ELOVL4: variants seen among roughly 807,000 people sequenced by gnomAD.
ELOVL4 encodes ELOVL fatty acid elongase 4, also known as very long chain fatty acid elongase 4.
ELOVL4 carries 18 observed loss-of-function variants against 42.1 expected under a neutral mutation model. That is an observed-to-expected ratio of 0.43 (90% confidence interval 0.30 to 0.63). The LOEUF (loss-of-function observed/expected upper bound fraction) is 0.63, where lower values mean the gene tolerates loss of function less well. Among genes scored for constraint, ELOVL4 ranks in the 30% least tolerant of loss-of-function variants. The pLI, the probability that ELOVL4 is intolerant of heterozygous loss-of-function variation, is 0.15. For missense variants in ELOVL4, 299 were observed against 376.2 expected, an observed-to-expected ratio of 0.79 and a Z score of 1.70; for synonymous variants, 117 against 127.0, an observed-to-expected ratio of 0.92 and a Z score of 0.53.
At chr6:79,921,879 A>G (rs1774262819) in intron 3 of ELOVL4, 83 bp from the exon 4 acceptor site, 2 of 1,354,328 alleles carry the variant, frequency 1.5e-6, no homozygotes, top group African/African-American at 2.9e-5. Context: ...GTCCAAAATA[A>G]ACATTTGTAT....
chr6:79,941,752 A>G (rs1431049705), intron 1 of ELOVL4, among the ~76,000 whole-genome samples: 1 of 152,190 alleles, frequency 6.6e-6, no homozygotes. Flanking sequence ...AGCCTTATTC[A>G]TGTTTAGCAA....
Position 79,947,171 on chromosome 6 carries a change from C to T in ELOVL4, c.100+9G>A. The T allele has an allele frequency of 6.2e-7, 1 of 1,609,276 alleles. No individual in the cohort carries two copies. Reference sequence around the variant, plus strand: ...GACCGAGCGAGGATGGGGAAGTCAGCGGCTTTACCTGCGATGGACCAGGTC... The same window carrying T: ...GACCGAGCGAGGATGGGGAAGTCAGTGGCTTTACCTGCGATGGACCAGGTC... On this transcript the variant is annotated intron_variant, in intron 1 of 5. Coordinates refer to ENST00000369816, the MANE Select transcript of ELOVL4 (RefSeq NM_022726.4).
At chr6:79,919,318 C>T in intron 5 of ELOVL4, 102 bp downstream of exon 5, 2 of 1,362,784 alleles carry the variant, frequency 1.5e-6, no homozygotes, top group East Asian at 2.3e-5. Flanking sequence ...AAGTTAATTT[C>T]ATAATAGAAA....
chr6:79,945,423 T>C (rs188513344), intron 1 of ELOVL4, among the ~76,000 whole-genome samples: 147 of 152,324 alleles, frequency 9.7e-4, no homozygotes, highest in African/African-American at 3.5e-3. Context: ...GTGTGTGGTT[T>C]CTTTTACACA....
At chr6:79,936,666 C>T (rs781617582) in intron 1 of ELOVL4, among the ~76,000 whole-genome samples, 12 of 152,164 alleles carry the variant, frequency 7.9e-5, no homozygotes, top group South Asian at 2.1e-4. Context: ...TTCTAACAAA[C>T]GGAGTAAACT....
intron 1 of ELOVL4, among the ~76,000 whole-genome samples, chr6:79,929,638 C>T (rs1774411042): frequency 6.6e-6 from 1 of 152,172 alleles, no homozygotes; most frequent in Non-Finnish European, 1.5e-5. Context: ...CAGTAACAAA[C>T]TACATGATCA....
chr6:79,941,561 T>C (rs191798984), intron 1 of ELOVL4, among the ~76,000 whole-genome samples: 1 of 152,316 alleles, frequency 6.6e-6, no homozygotes, highest in East Asian at 1.9e-4. Flanking sequence ...AAAAATATCA[T>C]TCTTTTAAAG....
At chr6:79,940,587 A>C (rs1399216864) in intron 1 of ELOVL4, among the ~76,000 whole-genome samples, 1 of 152,172 alleles carries the variant, frequency 6.6e-6, no homozygotes, top group Non-Finnish European at 1.5e-5. Context: ...TATTGGAAAA[A>C]TATGAAGACT....
intron 3 of ELOVL4, among the ~76,000 whole-genome samples, chr6:79,922,851 T>G (rs1007448965): frequency 1.3e-5 from 2 of 152,038 alleles, no homozygotes; most frequent in African/African-American, 2.4e-5. Context: ...AGAAAGCATA[T>G]AAGAAACAAA....
chr6:79,931,601 A>C (rs1181065276), intron 1 of ELOVL4, among the ~76,000 whole-genome samples: 2 of 152,230 alleles, frequency 1.3e-5, no homozygotes, highest in African/African-American at 2.4e-5. Flanking sequence ...AAAGGAGCCA[A>C]GTCTTATACT....
intron 1 of ELOVL4, among the ~76,000 whole-genome samples, chr6:79,932,461 C>T (rs530302488): frequency 2.0e-5 from 3 of 151,790 alleles, no homozygotes; most frequent in South Asian, 4.2e-4. Context: ...AGGAGAATTG[C>T]TTGAATCCGG....
intron 3 of ELOVL4, among the ~76,000 whole-genome samples, chr6:79,922,458 G>T (rs995218765): frequency 6.6e-6 from 1 of 152,034 alleles, no homozygotes; most frequent in Non-Finnish European, 1.5e-5. Context: ...TCTAATTAAG[G>T]CACCAGATGG....
chr6:79,930,297 C>G (rs1774421968), intron 1 of ELOVL4, among the ~76,000 whole-genome samples: 1 of 152,214 alleles, frequency 6.6e-6, no homozygotes, highest in Admixed American at 6.5e-5. Context: ...ACACCATACC[C>G]TTCTCAAATT....
intron 5 of ELOVL4, among the ~76,000 whole-genome samples, chr6:79,917,684 G>A (rs1404238812): frequency 6.6e-6 from 1 of 152,090 alleles, no homozygotes; most frequent in Non-Finnish European, 1.5e-5. Context: ...AGCCAGGTGT[G>A]GTGGTCCATG....
chr6:79,944,662 T>C (rs149463994), intron 1 of ELOVL4, among the ~76,000 whole-genome samples: 3 of 152,288 alleles, frequency 2.0e-5, no homozygotes, highest in Admixed American at 1.3e-4. Flanking sequence ...TTTGATATAA[T>C]AGCACAAAAT....
chr6:79,930,788 A>C (rs1774429984), intron 1 of ELOVL4, among the ~76,000 whole-genome samples: 1 of 152,198 alleles, frequency 6.6e-6, no homozygotes, highest in Non-Finnish European at 1.5e-5. Flanking sequence ...AAAAATATAT[A>C]TTAATATTTT....
At chr6:79,939,605 C>G (rs536485799) in intron 1 of ELOVL4, among the ~76,000 whole-genome samples, 4 of 151,986 alleles carry the variant, frequency 2.6e-5, no homozygotes, top group Admixed American at 6.6e-5. Flanking sequence ...TTCACTGAAG[C>G]CTTCACCTCC....
chr6:79,916,459 C>T lies in ELOVL4; in HGVS notation c.*149G>A, dbSNP rs573042064. 7.0e-6 allele frequency: 6 copies of T among 854,806 alleles called. No homozygotes were observed. Among genetic ancestry groups the T allele is most frequent in the Non-Finnish European group, 1.1e-5 (6 of 531,810 alleles). 53.0% of individuals were successfully genotyped at this position (854,806 alleles called of 1,614,324 possible). ...AAAACATCTGGGTATGGTATTAACACTTTACTCAGTCTAAGAGTTACTAGG... is the reference window on the plus strand; with the variant it reads ...AAAACATCTGGGTATGGTATTAACATTTTACTCAGTCTAAGAGTTACTAGG... On this transcript the variant is annotated 3_prime_UTR_variant, in exon 6 of 6. Transcript: ENST00000369816.
intron 3 of ELOVL4, among the ~76,000 whole-genome samples, chr6:79,923,962 G>A (rs1323539521): frequency 6.6e-6 from 1 of 151,744 alleles, no homozygotes; most frequent in Admixed American, 6.6e-5. Context: ...TTTTCTCAAG[G>A]GAAGCCACTA....
Sources: allele counts gnomAD v4.1 joint callset (sites outside exome capture counted in the v4.1 genomes callset), GRCh38; gene constraint gnomAD v4.1.1; transcripts MANE v1.5; gene names NCBI Gene and HGNC (gene_info 2026-07-23, HGNC 2026-07-21).